CDKN2B-AS1: variants seen among roughly 807,000 people sequenced by gnomAD.
CDKN2B-AS1 encodes the protein CDKN2B and CDKN2A antisense cis and trans regulatory RNA 1, also known as CDKN2B antisense RNA 1 (non-protein coding).
chr9:22,002,882 A>AT (rs1278777846), intron 1 of CDKN2B-AS1: 1 of 180,462 alleles, frequency 5.5e-6, no homozygotes, highest in Non-Finnish European at 1.2e-5. Flanking sequence ...AAAATAAAAG[A>AT]TAAAAATGAA....
At chr9:22,089,251 G>T (rs1378561118) in intron 4 of CDKN2B-AS1, among the ~76,000 whole-genome samples, 2 of 152,086 alleles carry the variant, frequency 1.3e-5, no homozygotes, top group Non-Finnish European at 2.9e-5. Context: ...ATAGTCTTTG[G>T]AGCAAATTTC....
chr9:22,022,379 T>C (rs937539011), intron 1 of CDKN2B-AS1, among the ~76,000 whole-genome samples: 2 of 152,182 alleles, frequency 1.3e-5, no homozygotes, highest in African/African-American at 4.8e-5. Context: ...GATTTTCTCG[T>C]TGAATTGAAC....
intron 4 of CDKN2B-AS1, among the ~76,000 whole-genome samples, chr9:22,091,648 G>T (rs549807307): frequency 6.6e-6 from 1 of 152,292 alleles, no homozygotes; most frequent in African/African-American, 2.4e-5. Context: ...GTATAAGAAT[G>T]CTTGTGATTT....
At chr9:22,016,084 A>T (rs1024185039) in intron 1 of CDKN2B-AS1, among the ~76,000 whole-genome samples, 1 of 152,114 alleles carries the variant, frequency 6.6e-6, no homozygotes, top group Non-Finnish European at 1.5e-5. Context: ...TGCTGTGCAG[A>T]AGCTCTTTAG....
chr9:22,072,124 G>T (rs1026671239), intron 4 of CDKN2B-AS1, among the ~76,000 whole-genome samples: 2 of 152,106 alleles, frequency 1.3e-5, no homozygotes, highest in East Asian at 3.9e-4. Flanking sequence ...TGGATCACAG[G>T]CCTTGAGAAG....
intron 1 of CDKN2B-AS1, chr9:22,012,259 T>C (rs549291782): frequency 3.3e-4 from 478 of 1,435,590 alleles, no homozygotes; most frequent in Non-Finnish European, 4.6e-4. Flanking sequence ...ACAAGGAGGG[T>C]ATCCCCCCTG....
At chr9:22,041,520 A>G (rs536658160) in intron 1 of CDKN2B-AS1, among the ~76,000 whole-genome samples, 1 of 152,198 alleles carries the variant, frequency 6.6e-6, no homozygotes, top group South Asian at 2.1e-4. Context: ...GAAAACATAT[A>G]AAAGGGAACA....
At chr9:22,014,867 T>A (rs1164072890) in intron 1 of CDKN2B-AS1, among the ~76,000 whole-genome samples, 1 of 150,856 alleles carries the variant, frequency 6.6e-6, no homozygotes, top group Non-Finnish European at 1.5e-5. Context: ...GGTGTTTGGT[T>A]TTTTGTCCTT....
chr9:22,066,412 C>T (rs1417164649), intron 4 of CDKN2B-AS1: 1 of 151,716 alleles, frequency 6.6e-6, no homozygotes, highest in East Asian at 2.0e-4. Flanking sequence ...CCAGGCTCAT[C>T]TCAAATTCAT....
At position 21,999,974 on chromosome 9, in the gene CDKN2B-AS1, G is replaced by A. The variant is rs575647857; in HGVS notation, n.29+4813G>A. On this transcript the variant is annotated intron_variant and non_coding_transcript_variant, in intron 1 of 4. Coordinates refer to ENST00000650946, the Ensembl canonical transcript of CDKN2B-AS1. This position sits in a 1 kb window ranked among gnomAD's most constrained non-coding sequence, Gnocchi z 4.7. The stretch of plus-strand genomic sequence containing the variant: ...GAAGGATAATTAAATATTTGTAATA[G>A]TGGTTACCTTTGGGTAGTAAGAATG... Among the ~76,000 whole-genome samples, 4 of 152,254 alleles carry A rather than the reference G, an allele frequency of 2.6e-5. No homozygotes were observed. The South Asian group carries it at 8.3e-4, about 32-fold the overall frequency.
intron 4 of CDKN2B-AS1, among the ~76,000 whole-genome samples, chr9:22,057,517 A>C (rs1188998799): frequency 6.6e-6 from 1 of 152,128 alleles, no homozygotes; most frequent in African/African-American, 2.4e-5. Context: ...GTAGAAAGTG[A>C]TATAGTATTG....
chr9:21,996,780 C>G lies in CDKN2B-AS1; in HGVS notation n.29+1619C>G, dbSNP rs1313130168. On this transcript the variant is annotated intron_variant and non_coding_transcript_variant, in intron 1 of 4. Coordinates refer to ENST00000650946, the Ensembl canonical transcript of CDKN2B-AS1. This position sits in a 1 kb window ranked among gnomAD's most constrained non-coding sequence, Gnocchi z 5.4. ...GGGTTAGTTCATCCTGGAAGAAAAA[C>G]GATGTCGGATGCCAGCATAGTGTCA... Among the ~76,000 whole-genome samples, 1 of 152,242 alleles carries G rather than the reference C, an allele frequency of 6.6e-6. No individual in the cohort carries two copies. The highest frequency in any genetic ancestry group is 1.5e-5 in the Non-Finnish European group (1 of 68,022).
chr9:22,060,319 C>G (rs530004362), intron 4 of CDKN2B-AS1, among the ~76,000 whole-genome samples: 7 of 152,284 alleles, frequency 4.6e-5, no homozygotes, highest in African/African-American at 1.7e-4. Flanking sequence ...TCATCTCTCT[C>G]AAGTTCAAAG....
chr9:22,033,985 C>G (rs1457552769), intron 1 of CDKN2B-AS1, among the ~76,000 whole-genome samples: 3 of 152,142 alleles, frequency 2.0e-5, no homozygotes, highest in Non-Finnish European at 2.9e-5. Flanking sequence ...GGTTTGAACC[C>G]AAGTATGCTT....
At chr9:22,114,869 C>G (rs1344181397) in intron 4 of CDKN2B-AS1, among the ~76,000 whole-genome samples, 1 of 152,208 alleles carries the variant, frequency 6.6e-6, no homozygotes, top group African/African-American at 2.4e-5. Context: ...AAGAGCTAAT[C>G]ATTCAAATTT....
intron 3 of CDKN2B-AS1, among the ~76,000 whole-genome samples, chr9:22,052,449 A>G (rs1156546818): frequency 3.9e-5 from 6 of 152,214 alleles, no homozygotes; most frequent in East Asian, 1.9e-4. Flanking sequence ...TCTCAAGAAG[A>G]AGGAATTTAG....
intron 4 of CDKN2B-AS1, chr9:22,119,351 T>G (rs1199279632): frequency 6.6e-6 from 1 of 152,194 alleles, no homozygotes; most frequent in Non-Finnish European, 1.5e-5. Flanking sequence ...TTTATGCTAC[T>G]TCCTTTGAAG....
intron 4 of CDKN2B-AS1, among the ~76,000 whole-genome samples, chr9:22,111,726 C>T (rs1012353971): frequency 6.6e-6 from 1 of 151,986 alleles, no homozygotes; most frequent in Non-Finnish European, 1.5e-5. Context: ...AATTTCAGTG[C>T]CAATTAAAGA....
At chr9:22,107,662 C>A (rs72654203) in intron 4 of CDKN2B-AS1, among the ~76,000 whole-genome samples, 2 of 152,158 alleles carry the variant, frequency 1.3e-5, no homozygotes, top group Admixed American at 1.3e-4. Flanking sequence ...TGACTTTCTC[C>A]ACCCAGCACT....
Sources: gnomAD v4.1 joint callset for allele counts (sites outside exome capture counted in the v4.1 genomes callset) on GRCh38, gnomAD v4.1.1 for gene constraint, Gnocchi (gnomAD v3.1) non-coding constraint, MANE v1.5 for transcripts, NCBI Gene and HGNC (gene_info 2026-07-23, HGNC 2026-07-21) for gene names.